Variants in SOHLH2 observed in about 807,000 individuals in gnomAD.
SOHLH2 encodes spermatogenesis- and oogenesis-specific basic helix-loop-helix-containing protein 2.
Under a neutral mutation model 50.4 loss-of-function variants are expected in SOHLH2, and 22 were observed. The ratio of observed to expected loss-of-function variants is 0.44; its 90% CI spans 0.31 to 0.62. The LOEUF is 0.62. Ranked by LOEUF, SOHLH2 falls within the 20% of genes least tolerant of loss-of-function variation. The pLI is 0.08. For synonymous variants in SOHLH2, 185 were observed against 187.3 expected, an observed-to-expected ratio of 0.99 and a Z score of 0.10; for missense variants, 412 against 504.4, an observed-to-expected ratio of 0.82 and a Z score of 1.76.
Position 36,194,458 on chromosome 13 carries a change from C to T in SOHLH2, c.264-591G>A, listed in dbSNP as rs568890723. On this transcript the variant is annotated intron_variant, in intron 2 of 10. Transcript: ENST00000379881. Reference sequence around the variant, plus strand: ...TAAAGTATTTATGGATGAAATAAAACAGTATTTTAGATTTGTCTTAAAATA... The same window carrying T: ...TAAAGTATTTATGGATGAAATAAAATAGTATTTTAGATTTGTCTTAAAATA... Among the ~76,000 whole-genome samples, 157 of 152,054 alleles carry T rather than the reference C, an allele frequency of 1.0e-3. 1 individual carries two copies. The highest frequency in any genetic ancestry group is 2.0e-3 in the Non-Finnish European group (136 of 68,018).
intron 6 of SOHLH2, among the ~76,000 whole-genome samples, 161 bp from the exon 7 acceptor site, chr13:36,175,030 C>T (rs572415378): frequency 6.6e-6 from 1 of 152,220 alleles, no homozygotes; most frequent in Non-Finnish European, 1.5e-5. Flanking sequence ...AAGCCAGCAG[C>T]CCTCACAGCC....
At chr13:36,203,619 T>C (rs1406246776) in intron 1 of SOHLH2, among the ~76,000 whole-genome samples, 1 of 152,168 alleles carries the variant, frequency 6.6e-6, no homozygotes. Context: ...GATACAAAAA[T>C]TTATATCCCC....
At chr13:36,207,082 AC>A (rs1868818437) in intron 1 of SOHLH2, among the ~76,000 whole-genome samples, 3 of 151,770 alleles carry the variant, frequency 2.0e-5, no homozygotes, top group Admixed American at 2.0e-4. Context: ...CTTTTCTGTG[AC>A]TTTTGTAAAT....
In SOHLH2 at chr13:36,174,463, G is replaced by C; in HGVS notation, c.881+13C>G. The C allele has an allele frequency of 1.9e-6, 3 of 1,611,936 alleles. No homozygotes were observed. The highest frequency in any genetic ancestry group is 2.5e-6 in the Non-Finnish European group (3 of 1,179,582). ...ACTAGCAGACTTCAGATTCGCAAAA[G>C]CCCTTATCATACCGCTGTGCCATGA... is the stretch of plus-strand genomic sequence containing the variant. On this transcript the variant is annotated intron_variant, in intron 8 of 10. Coordinates refer to ENST00000379881, the MANE Select transcript of SOHLH2 (RefSeq NM_017826.3).
intron 6 of SOHLH2, among the ~76,000 whole-genome samples, chr13:36,178,723 G>GT (rs1887159284): frequency 6.6e-6 from 1 of 151,878 alleles, no homozygotes; most frequent in South Asian, 2.1e-4. Context: ...CTTAACAATA[G>GT]TGAGTCTTTC....
At chr13:36,173,927 A>G (rs1887031898) in intron 8 of SOHLH2, 117 bp from the exon 9 acceptor site, 2 of 1,179,376 alleles carry the variant, frequency 1.7e-6, no homozygotes, top group Non-Finnish European at 2.4e-6. Flanking sequence ...AGCCTCAACT[A>G]TGGATTATTT....
chr13:36,180,500 C>T (rs535523896), intron 6 of SOHLH2, among the ~76,000 whole-genome samples: 1 of 152,128 alleles, frequency 6.6e-6, no homozygotes, highest in South Asian at 2.1e-4. Context: ...GATACATGTG[C>T]AGTACATGCA....
chr13:36,212,287 G>A (rs1247603599), intron 1 of SOHLH2, among the ~76,000 whole-genome samples: 1 of 152,170 alleles, frequency 6.6e-6, no homozygotes, highest in Non-Finnish European at 1.5e-5. Context: ...GAACTGATTT[G>A]CTCTTTTGCC....
chr13:36,184,460 CTTTTTTT>C (rs1229884029), intron 6 of SOHLH2, among the ~76,000 whole-genome samples: 8 of 121,138 alleles, frequency 6.6e-5, no homozygotes, highest in Admixed American at 4.2e-4. Context: ...CTACAAAGAC[CTTTTTTT>C]TTTTTTTTTT....
chr13:36,189,874 A>G (rs573672717), intron 6 of SOHLH2, 72 bp downstream of exon 6: 36 of 1,400,970 alleles, frequency 2.6e-5, no homozygotes, highest in Non-Finnish European at 3.2e-5. Context: ...ATAATACTAC[A>G]AAAAATTATA....
chr13:36,202,118 T>C, intron 1 of SOHLH2, 25 bp from the exon 2 acceptor site: 2 of 1,612,540 alleles, frequency 1.2e-6, no homozygotes, highest in African/African-American at 2.7e-5. Flanking sequence ...AGCAGAGGCG[T>C]CACATAATTA....
chr13:36,174,824 C>A lies in SOHLH2; in HGVS notation c.687G>T (p.Pro229=), dbSNP rs760300263. 6.2e-7 allele frequency: 1 copy of A among 1,607,438 alleles called. No individual in the cohort carries two copies. Among genetic ancestry groups the A allele is most frequent in the Admixed American group, 1.7e-5 (1 of 58,220 alleles). Residue 229 remains proline (P), a synonymous_variant, in exon 7 of 11, where the codon CCG becomes CCT. Transcript: ENST00000379881. ...CATCATTCTTTCTCCCTTTTACATACGGCAAGAGAGTACGCAGCTGCTCAC... is the reference window on the plus strand; with the variant it reads ...CATCATTCTTTCTCCCTTTTACATAAGGCAAGAGAGTACGCAGCTGCTCAC... The part of the protein sequence containing the change: ...YCCEQLRTLL[P]YVKGRKNDAA...
intron 2 of SOHLH2, among the ~76,000 whole-genome samples, chr13:36,195,085 G>A (rs1310180786): frequency 6.6e-6 from 1 of 152,138 alleles, no homozygotes; most frequent in Non-Finnish European, 1.5e-5. Flanking sequence ...CACAGCTGGA[G>A]GTCTTGGGGC....
chr13:36,200,185 A>T (rs1487991838), intron 2 of SOHLH2, among the ~76,000 whole-genome samples: 2 of 152,212 alleles, frequency 1.3e-5, no homozygotes, highest in East Asian at 1.9e-4. Flanking sequence ...AAAAAATTTT[A>T]AAATATGATA....
chr13:36,177,269 G>A (rs1430748555), intron 6 of SOHLH2, among the ~76,000 whole-genome samples: 1 of 151,974 alleles, frequency 6.6e-6, no homozygotes, highest in Non-Finnish European at 1.5e-5. Flanking sequence ...CCTTTTCACT[G>A]AGCAACAGTA....
At chr13:36,192,006 T>C in intron 4 of SOHLH2, 112 bp from the exon 5 acceptor site, 1 of 1,163,930 alleles carries the variant, frequency 8.6e-7, no homozygotes, top group Non-Finnish European at 1.2e-6. Context: ...TCAATAGATT[T>C]TACAAAGCAG....
intron 6 of SOHLH2, among the ~76,000 whole-genome samples, chr13:36,184,995 C>G (rs1034230677): frequency 4.6e-5 from 7 of 152,066 alleles, no homozygotes; most frequent in Non-Finnish European, 8.8e-5. Flanking sequence ...TTGTTCAACT[C>G]CCACTTATGA....
At position 36,201,763 on chromosome 13, in the gene SOHLH2, T is replaced by C; in HGVS notation, c.263+116A>G. On this transcript the variant is annotated intron_variant, in intron 2 of 10. Transcript: ENST00000379881. ...AGGATTACACGCATGAGCCAATCCC[T>C]GGCCCCTCAATTTGAAAAGTAAAAT... The C allele has an allele frequency of 2.1e-6, 3 of 1,424,534 alleles. No homozygotes were observed. In the South Asian group the frequency reaches 4.4e-5, roughly 21 times the overall value. 88.2% of individuals were successfully genotyped at this position (1,424,534 alleles called of 1,614,324 possible). A position where few individuals can be genotyped will look rare whatever the true frequency, so the allele number is the denominator to read the frequency against.
intron 6 of SOHLH2, chr13:36,183,184 G>T: frequency 2.7e-6 from 1 of 377,038 alleles, no homozygotes; most frequent in Non-Finnish European, 5.7e-6. Flanking sequence ...AAGCTGCTAT[G>T]CTTCCTGTAC....
Sources: gnomAD v4.1 joint callset for allele counts (sites outside exome capture counted in the v4.1 genomes callset) on GRCh38, gnomAD v4.1.1 for gene constraint, MANE v1.5 for transcripts, NCBI Gene and HGNC (gene_info 2026-07-23, HGNC 2026-07-21) for gene names.